The following FLI1 variants were observed in gnomAD, a reference collection of about 807,000 sequenced individuals.
FLI1 encodes the protein Fli-1 proto-oncogene, ETS transcription factor, also known as Friend leukemia integration 1 transcription factor.
FLI1 carries 13 observed loss-of-function variants against 53.1 expected under a neutral mutation model. The ratio of observed to expected loss-of-function variants is 0.24; its 90% CI spans 0.16 to 0.39. The LOEUF is 0.39. Among genes scored for constraint, FLI1 ranks in the 10% least tolerant of loss-of-function variants. The pLI is 1.00. For missense variants in FLI1, 424 were observed against 600.5 expected, an observed-to-expected ratio of 0.71 and a Z score of 3.07; for synonymous variants, 244 against 236.7, an observed-to-expected ratio of 1.03 and a Z score of -0.28.
At chr11:128,768,688 C>CAAAA (rs34066469) in intron 3 of FLI1, among the ~76,000 whole-genome samples, 27 of 77,762 alleles carry the variant, frequency 3.5e-4, no homozygotes, top group African/African-American at 1.2e-3. Flanking sequence ...GACTCTGTCT[C>CAAAA]AAAAAAAAAA....
chr11:128,751,910 G>T (rs960887948), intron 1 of FLI1, among the ~76,000 whole-genome samples: 1 of 148,804 alleles, frequency 6.7e-6, no homozygotes, highest in African/African-American at 2.5e-5. Flanking sequence ...CATTCCACCC[G>T]GTTCAGCCTC....
intron 1 of FLI1, among the ~76,000 whole-genome samples, chr11:128,694,736 C>G (rs917620380): frequency 6.6e-6 from 1 of 152,158 alleles, no homozygotes; most frequent in Admixed American, 6.5e-5. Flanking sequence ...GGGCTCGGGT[C>G]CCTGCCTGGT....
chr11:128,702,984 C>T (rs1938403357), intron 1 of FLI1, among the ~76,000 whole-genome samples: 1 of 151,716 alleles, frequency 6.6e-6, no homozygotes, highest in Non-Finnish European at 1.5e-5. Context: ...AGACTACTTA[C>T]AAATCAATAA....
chr11:128,795,786 G>A (rs962814191), intron 5 of FLI1, among the ~76,000 whole-genome samples: 12 of 152,074 alleles, frequency 7.9e-5, no homozygotes, highest in Admixed American at 1.3e-4. Flanking sequence ...TCCTCACCTC[G>A]TGATCTGCCT....
rs927042673 is a variant in FLI1, at chr11:128,725,674, G to T, written c.18+31398G>T. ...TCTCTCTCTCTCTCTGTGTGTGTGT[G>T]TTTGTGTGTGTGTGTGTGTGTCTGA... On this transcript the variant is annotated intron_variant, in intron 1 of 8. Coordinates refer to ENST00000527786, the MANE Select transcript of FLI1 (RefSeq NM_002017.5). Among the ~76,000 whole-genome samples the T allele has an allele frequency of 5.7e-4, 83 of 145,700 alleles. 1 individual carries two copies. The highest frequency in any genetic ancestry group is 3.0e-3 in the Admixed American group (43 of 14,432).
intron 1 of FLI1, 57 bp from the exon 2 acceptor site, chr11:128,758,058 T>C (rs537582786): frequency 2.0e-6 from 3 of 1,470,060 alleles, no homozygotes; most frequent in Admixed American, 1.9e-5. Context: ...AGCAAGAGTG[T>C]CACTTGCTTG....
chr11:128,694,782 G>C (rs575433907), intron 1 of FLI1, among the ~76,000 whole-genome samples: 2 of 152,308 alleles, frequency 1.3e-5, no homozygotes, highest in East Asian at 3.9e-4. Context: ...CGTTGCACGA[G>C]GGTAGGGGTG....
Position 128,768,382 on chromosome 11 carries a change from T to C in FLI1, c.385+110T>C, listed in dbSNP as rs1330251234. On this transcript the variant is annotated intron_variant, in intron 3 of 8. Transcript: ENST00000527786. ...CTCTATTCCCTGTGGAATTGCAAAA[T>C]GGAGAAAGCTGCACGCCAGCCGGGA... is the stretch of plus-strand genomic sequence containing the variant. The C allele has an allele frequency of 5.1e-6, 7 of 1,371,284 alleles. No individual in the cohort carries two copies. The East Asian group carries it at 9.5e-5, about 19-fold the overall frequency. 84.9% of individuals were successfully genotyped at this position (1,371,284 alleles called of 1,614,324 possible).
In FLI1 at chr11:128,776,292, C is replaced by A. The variant is rs867580234; in HGVS notation, c.589+3307C>A. On this transcript the variant is annotated intron_variant, in intron 4 of 8. Coordinates refer to ENST00000527786, the MANE Select transcript of FLI1 (RefSeq NM_002017.5). Reference sequence around the variant, plus strand: ...CACACAGGCGCCCACCCCTCCCCCCCACCACCACAGGAAATGCAAGGAGGA... The same window carrying A: ...CACACAGGCGCCCACCCCTCCCCCCAACCACCACAGGAAATGCAAGGAGGA... Among the ~76,000 whole-genome samples the A allele has an allele frequency of 2.6e-5, 4 of 152,134 alleles. No homozygotes were observed. In the South Asian group the frequency reaches 8.3e-4, roughly 32 times the overall value.
chr11:128,762,860 G>T (rs1411996107), intron 2 of FLI1, among the ~76,000 whole-genome samples: 1 of 152,126 alleles, frequency 6.6e-6, no homozygotes, highest in African/African-American at 2.4e-5. Flanking sequence ...GGAGGCTGAG[G>T]CAGGAGAATT....
intron 6 of FLI1, chr11:128,806,277 G>A (rs755279652): frequency 2.0e-5 from 3 of 152,182 alleles, no homozygotes; most frequent in Non-Finnish European, 2.9e-5. Flanking sequence ...ATAAGCGGGA[G>A]AGAGAAATCA....
At chr11:128,713,273 C>T (rs562071353) in intron 1 of FLI1, among the ~76,000 whole-genome samples, 12 of 152,330 alleles carry the variant, frequency 7.9e-5, no homozygotes, top group African/African-American at 2.6e-4. Context: ...CTTTATTAGT[C>T]TCTTCCTATG....
chr11:128,701,210 C>G (rs1195194164), intron 1 of FLI1, among the ~76,000 whole-genome samples: 1 of 152,192 alleles, frequency 6.6e-6, no homozygotes, highest in Non-Finnish European at 1.5e-5. Context: ...CCTTCTCATC[C>G]CTTCCTTCCC....
At chr11:128,719,262 T>C (rs1939149589) in intron 1 of FLI1, among the ~76,000 whole-genome samples, 2 of 147,620 alleles carry the variant, frequency 1.4e-5, no homozygotes, top group African/African-American at 5.0e-5. Flanking sequence ...AGTCTCAGTT[T>C]CCTCATCAGT....
chr11:128,685,438 G>A (rs1367358830), upstream of FLI1, among the ~76,000 whole-genome samples: 1 of 152,186 alleles, frequency 6.6e-6, no homozygotes, highest in Non-Finnish European at 1.5e-5. Context: ...AGTGTGTCTC[G>A]CTGCTTGTTC....
chr11:128,726,924 G>A (rs902639741), intron 1 of FLI1, among the ~76,000 whole-genome samples: 1 of 152,138 alleles, frequency 6.6e-6, no homozygotes, highest in African/African-American at 2.4e-5. Context: ...GAGGGACAAC[G>A]GCTGGGGCAG....
At chr11:128,685,708 C>CAAAAA (rs5795633), upstream of FLI1, among the ~76,000 whole-genome samples, 10 of 57,628 alleles carry the variant, frequency 1.7e-4, 2 homozygotes, top group African/African-American at 3.0e-4. Flanking sequence ...CTTGAGGAGC[C>CAAAAA]AAAAAAAAAA....
chr11:128,796,900 G>A (rs917878853), intron 5 of FLI1, among the ~76,000 whole-genome samples: 4 of 152,190 alleles, frequency 2.6e-5, no homozygotes, highest in Admixed American at 6.5e-5. Context: ...GCTTGAATCC[G>A]GGAGACGGAA....
chr11:128,775,610 G>A (rs766406058), intron 4 of FLI1, among the ~76,000 whole-genome samples: 19 of 152,206 alleles, frequency 1.2e-4, no homozygotes, highest in Non-Finnish European at 2.1e-4. Flanking sequence ...GAACTCCCCC[G>A]TGACAACCAG....
Sources: gnomAD v4.1 joint callset for allele counts (sites outside exome capture counted in the v4.1 genomes callset) on GRCh38, gnomAD v4.1.1 for gene constraint, MANE v1.5 for transcripts, NCBI Gene and HGNC (gene_info 2026-07-23, HGNC 2026-07-21) for gene names.